Variants in PKHD1 observed in about 807,000 individuals in gnomAD.
PKHD1 encodes the protein PKHD1 ciliary IPT domain containing fibrocystin/polyductin, also known as fibrocystin.
In PKHD1, 291 loss-of-function variants were observed where a neutral mutation model predicts 412.0. The ratio of observed to expected loss-of-function variants is 0.71; its 90% confidence interval spans 0.64 to 0.78. The LOEUF (loss-of-function observed/expected upper bound fraction) is 0.78, where lower values mean the gene tolerates loss of function less well. PKHD1 is among the 30% of genes least tolerant of loss of function. The pLI is 0.00. For missense variants in PKHD1, 4,825 were observed against 4,950.7 expected (o/e 0.97, Z 0.76); for synonymous variants, 1,777 against 1,821.5 (o/e 0.98, Z 0.62).
At chr6:51,829,979 C>T (rs1767970074) in intron 52 of PKHD1, among the ~76,000 whole-genome samples, 1 of 152,108 alleles carries the variant, frequency 6.6e-6, no homozygotes, top group Non-Finnish European at 1.5e-5. Flanking sequence ...TTACTTATTT[C>T]ATAAGGTTAT....
intron 36 of PKHD1, among the ~76,000 whole-genome samples, chr6:51,941,154 C>T (rs1292049619): frequency 1.3e-5 from 2 of 151,206 alleles, no homozygotes; most frequent in Non-Finnish European, 3.0e-5. Flanking sequence ...ATCACCCTTA[C>T]CCCACTCAAT....
intron 49 of PKHD1, among the ~76,000 whole-genome samples, chr6:51,854,011 G>C (rs1043152609): frequency 2.6e-5 from 4 of 151,964 alleles, no homozygotes; most frequent in African/African-American, 9.7e-5. Flanking sequence ...TGGCCTTTTT[G>C]GTTTTCAGCA....
chr6:51,815,502 A>G (rs1765310159), intron 52 of PKHD1, among the ~76,000 whole-genome samples: 1 of 152,164 alleles, frequency 6.6e-6, no homozygotes, highest in African/African-American at 2.4e-5. Context: ...GAGAAGTGGA[A>G]AAAGTTACAG....
chr6:51,619,229 T>C lies in PKHD1; in HGVS notation c.12077A>G (p.Gln4026Arg), dbSNP rs758412771. 44 of 1,614,144 alleles carry C rather than the reference T, an allele frequency of 2.7e-5. No individual in the cohort carries two copies. Among genetic ancestry groups the C allele is most frequent in the Non-Finnish European group, 3.6e-5 (43 of 1,180,050 alleles). Reference protein sequence around the residue: ...QLLLLCPDFRQERQQLPGQSR... With the variant: ...QLLLLCPDFRRERQQLPGQSR... ...TTGCCCTGGCAACTGCTGCCTCTCT[T>C]GTCTGAAGTCTGGGCATAGCAGCAG... The change falls in exon 67 of 67, where the codon CAA becomes CGA. Residue 4026 changes from glutamine to arginine, a missense_variant. Transcript: ENST00000371117.
At chr6:51,890,428 T>C (rs1420682345) in intron 43 of PKHD1, among the ~76,000 whole-genome samples, 1 of 152,032 alleles carries the variant, frequency 6.6e-6, no homozygotes, top group African/African-American at 2.4e-5. Flanking sequence ...AGACAACATA[T>C]TGAACAACAT....
chr6:51,628,919 C>A (rs1167169483), intron 65 of PKHD1, among the ~76,000 whole-genome samples: 1 of 152,136 alleles, frequency 6.6e-6, no homozygotes, highest in Non-Finnish European at 1.5e-5. Context: ...TGCACACATA[C>A]AACCATCTCA....
At chr6:51,754,540 T>G (rs1049491634) in intron 56 of PKHD1, among the ~76,000 whole-genome samples, 1 of 152,110 alleles carries the variant, frequency 6.6e-6, no homozygotes, top group Non-Finnish European at 1.5e-5. Flanking sequence ...CCATTATAAA[T>G]AAAAAGCAAA....
At chr6:51,675,510 C>T (rs184182611) in intron 60 of PKHD1, among the ~76,000 whole-genome samples, 1 of 152,064 alleles carries the variant, frequency 6.6e-6, no homozygotes, top group Non-Finnish European at 1.5e-5. Flanking sequence ...CCACTAAACA[C>T]GTTTATTCAG....
chr6:51,922,442 TCTGTGCTGGGAGAACC>T (rs2127717161), intron 37 of PKHD1, among the ~76,000 whole-genome samples: 1 of 152,346 alleles, frequency 6.6e-6, no homozygotes, highest in Non-Finnish European at 1.5e-5. Context: ...GATTTCAAAC[TCTGTGCTGGGAGAACC>T]ACTACTCTCT....
chr6:51,645,951 A>AT (rs1289134645), intron 63 of PKHD1, among the ~76,000 whole-genome samples: 2 of 152,200 alleles, frequency 1.3e-5, no homozygotes, highest in Non-Finnish European at 2.9e-5. Context: ...CTTTCTGAGG[A>AT]TATTTTCCAT....
At chr6:51,812,997 T>A (rs75909784) in intron 52 of PKHD1, among the ~76,000 whole-genome samples, 7,658 of 152,218 alleles carry the variant, frequency 0.05, 241 homozygotes, top group Non-Finnish European at 0.079. Flanking sequence ...TAAGCCTGCT[T>A]CCCACTTCAA....
At chr6:51,724,013 A>C (rs1782249737) in intron 60 of PKHD1, among the ~76,000 whole-genome samples, 1 of 152,188 alleles carries the variant, frequency 6.6e-6, no homozygotes, top group Non-Finnish European at 1.5e-5. Flanking sequence ...TTCCAAAAGA[A>C]ATGCAATTGT....
In PKHD1 at chr6:51,648,067, C is replaced by G. The variant is rs1314711467; in HGVS notation, c.11362G>C (p.Ala3788Pro). ...GPPSEPWTIS[A>P]SLEGASDSVL... ...GAGTCTGATGCTCCTTCCAGGGAAG[C>G]TGAAATTGTCCATGGCTCTGAAGGA... The change falls in exon 63 of 67, where the codon GCT becomes CCT. Residue 3788 changes from alanine (A) to proline (P), a missense_variant. By Grantham distance (27) the Ala-to-Pro change is conservative. Coordinates refer to ENST00000371117, the MANE Select transcript of PKHD1 (RefSeq NM_138694.4). The G allele has an allele frequency of 6.2e-7, 1 of 1,609,448 alleles. No homozygotes were observed.
intron 35 of PKHD1, 141 bp downstream of exon 35, chr6:52,010,168 T>C: frequency 1.4e-6 from 1 of 719,722 alleles, no homozygotes; most frequent in East Asian, 2.7e-5. Context: ...ATATTGTGCA[T>C]TAGACCAGCT....
chr6:52,000,242 C>A (rs1798204563), intron 35 of PKHD1, among the ~76,000 whole-genome samples: 1 of 152,182 alleles, frequency 6.6e-6, no homozygotes, highest in African/African-American at 2.4e-5. Context: ...AATGAGTCAG[C>A]AAGTAAACTA....
At chr6:51,640,141 T>C (rs1769149314) in intron 63 of PKHD1, among the ~76,000 whole-genome samples, 1 of 152,224 alleles carries the variant, frequency 6.6e-6, no homozygotes, top group South Asian at 2.1e-4. Flanking sequence ...TTGCAAACAA[T>C]GAACTGAAGA....
At chr6:51,960,919 A>C (rs17754190) in intron 35 of PKHD1, among the ~76,000 whole-genome samples, 5,741 of 152,262 alleles carry the variant, frequency 0.038, 304 homozygotes, top group African/African-American at 0.12. Context: ...CTCATGCAAG[A>C]GGCTGGTAAC....
chr6:51,842,402 C>T (rs983631860), intron 50 of PKHD1, among the ~76,000 whole-genome samples: 1 of 152,044 alleles, frequency 6.6e-6, no homozygotes, highest in Non-Finnish European at 1.5e-5. Context: ...AACAGTTTGC[C>T]CTAAAGAGCC....
intron 49 of PKHD1, among the ~76,000 whole-genome samples, chr6:51,849,530 G>T (rs572725843): frequency 6.6e-6 from 1 of 152,092 alleles, no homozygotes; most frequent in Non-Finnish European, 1.5e-5. Context: ...AAGCGTTCCT[G>T]TTTCTCCACA....
Sources: allele counts gnomAD v4.1 joint callset (sites outside exome capture counted in the v4.1 genomes callset), GRCh38; gene constraint gnomAD v4.1.1; transcripts MANE v1.5; gene names NCBI Gene and HGNC (gene_info 2026-07-23, HGNC 2026-07-21).